Variants in ZNF267 observed in about 807,000 individuals in gnomAD.
ZNF267 encodes zinc finger (C2H2).
ZNF267 carries 61 observed loss-of-function variants against 71.6 expected under a neutral mutation model. That is an observed-to-expected ratio of 0.85 (90% CI 0.69 to 1.05). The LOEUF is 1.05. Ranked by LOEUF, ZNF267 falls within the 50% of genes least tolerant of loss-of-function variation. The pLI, the probability that ZNF267 is intolerant of heterozygous loss-of-function variation, is 0.00. For missense variants in ZNF267, 852 were observed against 870.0 expected (o/e 0.98, Z 0.26); for synonymous variants, 288 against 293.2 (o/e 0.98, Z 0.18).
At chr16:31,896,453 T>G (rs550790522) in intron 3 of ZNF267, among the ~76,000 whole-genome samples, 1 of 152,348 alleles carries the variant, frequency 6.6e-6, no homozygotes, top group Non-Finnish European at 1.5e-5. Context: ...ACTTGATTTT[T>G]TTGGTATATG....
At chr16:31,877,946 T>G (rs1022861347) in intron 1 of ZNF267, among the ~76,000 whole-genome samples, 2 of 151,946 alleles carry the variant, frequency 1.3e-5, no homozygotes, top group Non-Finnish European at 2.9e-5. Context: ...TGATTGAACT[T>G]AAGGATAGGG....
chr16:31,907,225 A>G (rs961455500), intron 3 of ZNF267, among the ~76,000 whole-genome samples: 22 of 151,982 alleles, frequency 1.4e-4, no homozygotes, highest in Admixed American at 5.9e-4. Context: ...ATTTTAGGCC[A>G]TTTTCTCCAT....
chr16:31,885,596 C>G (rs1478646331), intron 3 of ZNF267, among the ~76,000 whole-genome samples: 1 of 152,128 alleles, frequency 6.6e-6, no homozygotes, highest in Non-Finnish European at 1.5e-5. Flanking sequence ...TGTGAAACCA[C>G]TTCTAAAGTT....
intron 3 of ZNF267, among the ~76,000 whole-genome samples, chr16:31,895,581 C>T (rs951230412): frequency 1.3e-5 from 2 of 152,124 alleles, no homozygotes; most frequent in Admixed American, 1.3e-4. Flanking sequence ...ATTTATAATT[C>T]CACCAACAGT....
Position 31,897,961 on chromosome 16 carries a change from G to A in ZNF267, c.226+12705G>A, listed in dbSNP as rs1355574412. Among the ~76,000 whole-genome samples, 12 of 152,126 alleles carry A rather than the reference G, an allele frequency of 7.9e-5. No homozygotes were observed. The East Asian group carries it at 2.3e-3, about 29-fold the overall frequency. On this transcript the variant is annotated intron_variant, in intron 3 of 3. Transcript: ENST00000300870. ...TTGCTGTTGTTGGGTGACAAGTTAT[G>A]TATATATGTTAAGTCTAATTGTCTT...
chr16:31,898,002 CT>C (rs2084012386), intron 3 of ZNF267, among the ~76,000 whole-genome samples: 1 of 152,096 alleles, frequency 6.6e-6, no homozygotes, highest in Middle Eastern at 3.2e-3. Context: ...TTCAAGTCTT[CT>C]GTTTCCTTAT....
Position 31,914,487 on chromosome 16 carries a change from C to T in ZNF267, c.238C>T (p.His80Tyr). ...TTTATATCTTTCAGATGTGTTTTCG[C>T]ATTATAACAAGGACCTGTTGACAGA... ...TVAIQPDVFS[H>Y]YNKDLLTEHC... is the part of the protein sequence containing the mutation. Residue 80 changes from histidine to tyrosine, a missense_variant, in exon 4 of 4, where the codon CAT (histidine) becomes TAT (tyrosine). Physicochemically the swap from His to Tyr is moderately conservative, Grantham distance 83. Transcript: ENST00000300870. 6.3e-7 allele frequency: 1 copy of T among 1,576,760 alleles called. No homozygotes were observed. Among genetic ancestry groups the T allele is most frequent in the Non-Finnish European group, 8.6e-7 (1 of 1,165,354 alleles).
rs2084160079 is a variant in ZNF267 at position 31,914,696 on chromosome 16, C to T, written c.447C>T (p.His149=). The T allele has an allele frequency of 6.2e-7, 1 of 1,613,896 alleles. No homozygotes were observed. The highest frequency in any genetic ancestry group is 8.5e-7 in the Non-Finnish European group (1 of 1,179,978). ...AATCCTCTGTTGAAAGTTTGTTTCA[C>T]CAGCAAATACTTTCTTCTTGTGCCA... The part of the protein sequence containing the change: ...FDESSVESLF[H]QQILSSCAKS... Residue 149 remains histidine (H), a synonymous_variant, in exon 4 of 4, where the codon CAC becomes CAT. Coordinates refer to ENST00000300870, the MANE Select transcript of ZNF267 (RefSeq NM_003414.6).
intron 3 of ZNF267, among the ~76,000 whole-genome samples, chr16:31,905,297 G>A (rs1596627163): frequency 6.6e-6 from 1 of 152,036 alleles, no homozygotes; most frequent in East Asian, 1.9e-4. Context: ...TATCTTTGTG[G>A]CATTCTCTAT....
intron 3 of ZNF267, among the ~76,000 whole-genome samples, chr16:31,900,447 C>T (rs964573403): frequency 2.0e-5 from 3 of 151,878 alleles, no homozygotes; most frequent in African/African-American, 4.8e-5. Flanking sequence ...TTCTTTATTT[C>T]TTTATTTTTT....
At chr16:31,902,013 G>A (rs1309935006) in intron 3 of ZNF267, among the ~76,000 whole-genome samples, 1 of 152,106 alleles carries the variant, frequency 6.6e-6, no homozygotes, top group African/African-American at 2.4e-5. Flanking sequence ...TCTCCATATG[G>A]CTAGCCAGTT....
At chr16:31,887,063 ATATT>A (rs1226055480) in intron 3 of ZNF267, among the ~76,000 whole-genome samples, 5 of 152,170 alleles carry the variant, frequency 3.3e-5, no homozygotes, top group Non-Finnish European at 5.9e-5. Context: ...ACAAGTGTGA[ATATT>A]TATTTATTGA....
In ZNF267 at chr16:31,893,146, C is replaced by T. The variant is rs1302942068; in HGVS notation, c.226+7890C>T. On this transcript the variant is annotated intron_variant, in intron 3 of 3. Transcript: ENST00000300870. The stretch of plus-strand genomic sequence containing the variant: ...CAAACCCCAATCCTCGACTTCTGTA[C>T]ACTCACAGGCTCAACACCACGTGAA... Among the ~76,000 whole-genome samples the T allele has an allele frequency of 3.3e-5, 5 of 152,386 alleles. No individual in the cohort carries two copies. The East Asian group carries it at 9.6e-4, about 29-fold the overall frequency.
intron 3 of ZNF267, among the ~76,000 whole-genome samples, chr16:31,899,144 A>G (rs2084020598): frequency 6.6e-6 from 1 of 152,198 alleles, no homozygotes; most frequent in South Asian, 2.1e-4. Flanking sequence ...ATTAACAAGG[A>G]TATCTAGGAC....
At chr16:31,878,721 A>G (rs992790508) in intron 1 of ZNF267, among the ~76,000 whole-genome samples, 2 of 152,130 alleles carry the variant, frequency 1.3e-5, no homozygotes, top group African/African-American at 4.8e-5. Context: ...TCATGGCTCA[A>G]TAGCACCTTC....
intron 3 of ZNF267, among the ~76,000 whole-genome samples, chr16:31,910,491 C>G (rs1327093158): frequency 3.3e-5 from 5 of 151,494 alleles, no homozygotes; most frequent in African/African-American, 1.2e-4. Context: ...TTGTATATAT[C>G]TGGGAACTTA....
In ZNF267 at chr16:31,916,321, A is replaced by G. The variant is rs754657075; in HGVS notation, c.2072A>G (p.Asp691Gly). Residue 691 changes from aspartate to glycine, a missense_variant, in exon 4 of 4, where the codon GAT (aspartate) becomes GGT (glycine). Coordinates refer to ENST00000300870, the MANE Select transcript of ZNF267 (RefSeq NM_003414.6). ...RHTGERPYKCDECGKAFSYRS... is the reference protein window; with the variant it reads ...RHTGERPYKCGECGKAFSYRS... ...ACTGGAGAGAGACCCTACAAATGTG[A>G]TGAATGTGGTAAAGCCTTCAGCTAT... 3 of 1,613,986 alleles carry G rather than the reference A, an allele frequency of 1.9e-6. No homozygotes were observed. In the African/African-American group the frequency reaches 4.0e-5, roughly 22 times the overall value.
intron 3 of ZNF267, among the ~76,000 whole-genome samples, chr16:31,892,288 T>C (rs1027821268): frequency 2.6e-5 from 4 of 152,148 alleles, no homozygotes; most frequent in Non-Finnish European, 2.9e-5. Context: ...CTGAGACTTA[T>C]TCATTGTCAC....
chr16:31,884,556 T>G lies in ZNF267; in HGVS notation c.62T>G (p.Leu21Arg). ...VEFSLEEWEH[L>R]EPAQKNLYQD... Reference sequence around the variant, plus strand: ...TTCTCTTTGGAGGAGTGGGAACACCTGGAACCAGCTCAGAAGAATTTGTAT... The same window carrying G: ...TTCTCTTTGGAGGAGTGGGAACACCGGGAACCAGCTCAGAAGAATTTGTAT... Residue 21 changes from leucine (L) to arginine (R), a missense_variant, in exon 2 of 4, where the codon CTG (leucine) becomes CGG (arginine). By Grantham distance (102) the Leu-to-Arg change is moderately radical (BLOSUM62 -2). Coordinates refer to ENST00000300870, the MANE Select transcript of ZNF267 (RefSeq NM_003414.6). 6.2e-7 allele frequency: 1 copy of G among 1,614,136 alleles called. No individual in the cohort carries two copies. Among genetic ancestry groups the G allele is most frequent in the Non-Finnish European group, 8.5e-7 (1 of 1,179,986 alleles).
Sources: allele counts gnomAD v4.1 joint callset (sites outside exome capture counted in the v4.1 genomes callset), GRCh38; gene constraint gnomAD v4.1.1; transcripts MANE v1.5; gene names NCBI Gene and HGNC (gene_info 2026-07-23, HGNC 2026-07-21).